SEC16B: variants seen among roughly 807,000 people sequenced by gnomAD.
The protein encoded by SEC16B is protein transport protein Sec16B.
A neutral mutation model predicts 141.8 loss-of-function variants in SEC16B; 115 were observed. The observed-to-expected ratio is 0.81, with a 90% CI of 0.70 to 0.95. The LOEUF is 0.95. Among genes scored for constraint, SEC16B ranks in the 40% least tolerant of loss-of-function variants. SEC16B has a pLI of 0.00. For synonymous variants in SEC16B, 493 were observed against 492.5 expected (o/e 1.00, Z -0.01); for missense variants, 1,291 against 1,312.3 (o/e 0.98, Z 0.25).
At position 177,960,351 on chromosome 1, in the gene SEC16B, G is replaced by T; in HGVS notation, c.989C>A (p.Pro330His). ...TCTTACAGCACTATACCTAATCAAG[G>T]GTCCTGAGAAACTTCTCATCTCCTC... ...EQEEMRSFSG[P>H]LIREDVHKVD... The change falls in exon 8 of 26, where the codon CCC (proline) becomes CAC (histidine). Residue 330 changes from proline (P) to histidine (H), a missense_variant. By Grantham distance (77) the Pro-to-His change is moderately conservative. Transcript: ENST00000308284. 6.2e-7 allele frequency: 1 copy of T among 1,600,102 alleles called. No homozygotes were observed. The highest frequency in any genetic ancestry group is 8.6e-7 in the Non-Finnish European group (1 of 1,169,358).
At chr1:177,983,539 TCAC>T (rs1393372367) in intron 1 of SEC16B, among the ~76,000 whole-genome samples, 6 of 149,362 alleles carry the variant, frequency 4.0e-5, no homozygotes, top group African/African-American at 1.5e-4. Flanking sequence ...AAAAAAAAAA[TCAC>T]CAACCCATAA....
At chr1:177,932,636 C>T (rs1016906444) in intron 23 of SEC16B, 62 bp downstream of exon 23, 2 of 1,505,502 alleles carry the variant, frequency 1.3e-6, no homozygotes, top group East Asian at 2.4e-5. Context: ...CCAGAAGGCA[C>T]CCCAACCCTT....
In SEC16B at chr1:177,966,031, C is replaced by T. The variant is rs140757538; in HGVS notation, c.300-26G>A. ...CTAAAATATCACAAAGAAGACTGGT[C>T]AGTTGAGGACAAGGGTAGTAAAGAG... On this transcript the variant is annotated intron_variant, in intron 2 of 25. Coordinates refer to ENST00000308284, the MANE Select transcript of SEC16B (RefSeq NM_033127.4). The T allele has an allele frequency of 7.8e-4, 1,074 of 1,370,980 alleles. 4 individuals are homozygous for T. The African/African-American group carries it at 0.014, about 18-fold the overall frequency. The allele number at this position is 1,370,980 out of a possible 1,614,324, so 84.9% of individuals were successfully genotyped here.
intron 12 of SEC16B, chr1:177,948,573 G>A (rs752382390): frequency 2.3e-6 from 3 of 1,304,256 alleles, no homozygotes; most frequent in South Asian, 1.2e-5. Flanking sequence ...AGTAAGCAGC[G>A]TGGTGGAAAT....
chr1:177,939,905 T>G, intron 17 of SEC16B, 128 bp from the exon 18 acceptor site: 1 of 769,636 alleles, frequency 1.3e-6, no homozygotes, highest in Non-Finnish European at 2.1e-6. Flanking sequence ...GGGAAATGCT[T>G]GTATGCTTAG....
Position 177,967,945 on chromosome 1 carries a change from G to C in SEC16B, c.37C>G (p.Arg13Gly). ...LWAPQRLPQT[R>G]GKATAPSKDP... Reference sequence around the variant, plus strand: ...TTTGAGGGTGCTGTGGCCTTCCCTCGTGTCTGGGGCAGCCTCTGGGGAGCC... The same window carrying C: ...TTTGAGGGTGCTGTGGCCTTCCCTCCTGTCTGGGGCAGCCTCTGGGGAGCC... Residue 13 changes from arginine to glycine, a missense_variant, in exon 2 of 26, where the codon CGA (arginine) becomes GGA (glycine). Physicochemically the swap from Arg to Gly is moderately radical, Grantham distance 125. Transcript: ENST00000308284. 1 of 1,612,926 alleles carries C rather than the reference G, an allele frequency of 6.2e-7. No individual in the cohort carries two copies. The highest frequency in any genetic ancestry group is 1.7e-5 in the Admixed American group (1 of 60,010).
Position 177,933,518 on chromosome 1 carries a change from C to T in SEC16B, c.2690G>A (p.Arg897Lys), listed in dbSNP as rs1650610096. ...CTCCTTCCCATCTCCGAGCTTGCCTCTCTGGGCAGTATTTCGGGGAGAGTT... is the reference window on the plus strand; with the variant it reads ...CTCCTTCCCATCTCCGAGCTTGCCTTTCTGGGCAGTATTTCGGGGAGAGTT... ...DKNSPRNTAQ[R>K]GKLGDGKEHT... The change falls in exon 21 of 26, where the codon AGA becomes AAA. Residue 897 changes from arginine to lysine, a missense_variant. Arg to Lys is a conservative substitution (Grantham distance 26). Coordinates refer to ENST00000308284, the MANE Select transcript of SEC16B (RefSeq NM_033127.4). The T allele has an allele frequency of 6.2e-7, 1 of 1,613,736 alleles. No homozygotes were observed. Among genetic ancestry groups the T allele is most frequent in the Admixed American group, 1.7e-5 (1 of 59,980 alleles).
chr1:177,961,693 C>T lies in SEC16B; in HGVS notation c.684G>A (p.Glu228=), dbSNP rs1335480644. Residue 228 remains glutamate, a synonymous_variant, in exon 6 of 26, where the codon GAG becomes GAA. Coordinates refer to ENST00000308284, the MANE Select transcript of SEC16B (RefSeq NM_033127.4). ...CATAGCTGCTGGAGCTGAGACCAGA[C>T]TCACGCTGCTGGAGAAGGTTGGACT... The part of the protein sequence containing the change: ...ASESNLLQQR[E]SGLSSSSYEL... The T allele has an allele frequency of 1.9e-6, 3 of 1,613,980 alleles. No individual in the cohort carries two copies. The highest frequency in any genetic ancestry group is 2.2e-5 in the East Asian group (1 of 44,870).
intron 1 of SEC16B, among the ~76,000 whole-genome samples, chr1:177,979,065 A>C (rs1654296172): frequency 6.6e-6 from 1 of 152,074 alleles, no homozygotes; most frequent in South Asian, 2.1e-4. Context: ...ACCAGTCATC[A>C]AGTAGAGGAA....
At chr1:177,939,868 A>C in intron 17 of SEC16B, 91 bp from the exon 18 acceptor site, 2 of 1,072,310 alleles carry the variant, frequency 1.9e-6, no homozygotes, top group Non-Finnish European at 2.7e-6. Context: ...AGCCAAAAAG[A>C]AACTTCCAGT....
chr1:177,960,791 C>G lies in SEC16B; in HGVS notation c.936G>C (p.Glu312Asp). 1 of 1,608,822 alleles carries G rather than the reference C, an allele frequency of 6.2e-7. No homozygotes were observed. ...QAALVELHSM[E>D]VILNDSEEQE... The stretch of plus-strand genomic sequence containing the variant: ...TCCAGGGACACTGGGTCTTCTTTAC[C>G]TCCATGCTGTGCAGTTCAACAAGGG... Residue 312 changes from glutamate to aspartate, a missense_variant and splice_region_variant, in exon 7 of 26, where the codon GAG becomes GAC. Glu to Asp is a conservative substitution (Grantham distance 45). Coordinates refer to ENST00000308284, the MANE Select transcript of SEC16B (RefSeq NM_033127.4).
Position 177,929,762 on chromosome 1 carries a change from AG to A in SEC16B, c.*95del, listed in dbSNP as rs1650273765. The stretch of plus-strand genomic sequence containing the variant: ...GCATCGGGCTAGCACAAACCTCTTG[AG>A]GGTCCCAATATGGTAGAGAGGGGCT... On this transcript the variant is annotated 3_prime_UTR_variant, in exon 26 of 26. Transcript: ENST00000308284. The A allele has an allele frequency of 2.9e-6, 4 of 1,381,780 alleles. No individual in the cohort carries two copies. The highest frequency in any genetic ancestry group is 4.0e-6 in the Non-Finnish European group (4 of 988,332). The allele number at this position is 1,381,780 out of a possible 1,614,324, so 85.6% of individuals were successfully genotyped here.
chr1:177,958,443 G>A, intron 9 of SEC16B, 81 bp from the exon 10 acceptor site: 12 of 1,176,628 alleles, frequency 1.0e-5, no homozygotes, highest in Non-Finnish European at 1.4e-5. Flanking sequence ...GAAGGCACCA[G>A]GGAGCCTGCC....
chr1:177,972,298 G>C (rs1176149189), upstream of SEC16B, among the ~76,000 whole-genome samples: 4 of 152,092 alleles, frequency 2.6e-5, no homozygotes, highest in Admixed American at 1.3e-4. Flanking sequence ...ACTCCAAAGG[G>C]TTTAGGATTT....
At chr1:177,932,659 G>A (rs1273072199) in intron 23 of SEC16B, 39 bp downstream of exon 23, 1 of 1,527,748 alleles carries the variant, frequency 6.5e-7, no homozygotes, top group South Asian at 1.3e-5. Flanking sequence ...GAGTGCTGAG[G>A]GGACCACCCA....
chr1:177,961,715 G>A lies in SEC16B; in HGVS notation c.662C>T (p.Ser221Phe), dbSNP rs1653077338. ...AGACTCACGCTGCTGGAGAAGGTTG[G>A]ACTCACTAGCCAATGATGGCTGAAA... ...QKNKPSLASE[S>F]NLLQQRESGL... Residue 221 changes from serine (S) to phenylalanine (F), a missense_variant, in exon 6 of 26, where the codon TCC (serine) becomes TTC (phenylalanine). Ser to Phe is a radical substitution (Grantham distance 155). This residue lies in a region of SEC16B where 681 missense variants were observed against 675.5 expected (regional missense o/e 1.01). Transcript: ENST00000308284. The A allele has an allele frequency of 1.2e-6, 2 of 1,613,694 alleles. No individual in the cohort carries two copies. The highest frequency in any genetic ancestry group is 1.3e-5 in the African/African-American group (1 of 74,928).
At chr1:177,978,397 T>C (rs1214552216) in intron 1 of SEC16B, among the ~76,000 whole-genome samples, 2 of 152,112 alleles carry the variant, frequency 1.3e-5, no homozygotes, top group Non-Finnish European at 2.9e-5. Flanking sequence ...GGTATCAACG[T>C]TGTTTAAAAG....
At chr1:177,958,668 G>A (rs567204519) in intron 9 of SEC16B, among the ~76,000 whole-genome samples, 172 bp downstream of exon 9, 1 of 152,312 alleles carries the variant, frequency 6.6e-6, no homozygotes, top group East Asian at 1.9e-4. Flanking sequence ...GATCATCAGG[G>A]AAGATCTGCG....
chr1:177,958,270 G>C lies in SEC16B; in HGVS notation c.1227C>G (p.Ile409Met), dbSNP rs1302839857. ...CTGGCCAGTCCTCATCGGTCAGGTT[G>C]ATGAGGTTGGCCACAGGGGGCTGCC... The part of the protein sequence containing the change: ...YKRQPPVANL[I>M]NLTDEDWPVL... The change falls in exon 10 of 26, where the codon ATC becomes ATG. Residue 409 changes from isoleucine (I) to methionine (M), a missense_variant. By Grantham distance (10) the Ile-to-Met change is conservative (BLOSUM62 1). This residue lies in a region of SEC16B where 681 missense variants were observed against 675.5 expected (regional missense o/e 1.01). Coordinates refer to ENST00000308284, the MANE Select transcript of SEC16B (RefSeq NM_033127.4). The C allele has an allele frequency of 1.2e-6, 2 of 1,611,004 alleles. No individual in the cohort carries two copies. Among genetic ancestry groups the C allele is most frequent in the African/African-American group, 2.7e-5 (2 of 74,870 alleles).
Sources: gnomAD v4.1 joint callset for allele counts (sites outside exome capture counted in the v4.1 genomes callset) on GRCh38, gnomAD v4.1.1 for gene constraint, gnomAD v4.1.1 regional missense constraint, MANE v1.5 for transcripts, NCBI Gene and HGNC (gene_info 2026-07-23, HGNC 2026-07-21) for gene names.